Variants in SRBD1 observed in about 807,000 individuals in gnomAD.
The protein encoded by SRBD1 is S1 RNA-binding domain-containing protein 1.
SRBD1 carries 88 observed loss-of-function variants against 115.3 expected under a neutral mutation model. That is an observed-to-expected ratio of 0.76 (90% CI 0.64 to 0.91). SRBD1 has a LOEUF of 0.91. Among genes scored for constraint, SRBD1 ranks in the 40% least tolerant of loss-of-function variants. The probability of loss-of-function intolerance (pLI) is 0.00; values close to 1 mark genes in which losing one functional copy is unlikely to be tolerated. For missense variants in SRBD1, 1,385 were observed against 1,177.4 expected (o/e 1.18, Z -2.58); for synonymous variants, 509 against 407.7 (o/e 1.25, Z -2.99).
Position 45,532,180 on chromosome 2 carries a change from G to A in SRBD1, c.1874+14552C>T, listed in dbSNP as rs923140113. On this transcript the variant is annotated intron_variant, in intron 14 of 20. Transcript: ENST00000263736. ...GCCATCACCACCATCAGCACCATCA[G>A]CACCATCACAACCACCCTCCCCAAG... is the stretch of plus-strand genomic sequence containing the variant. 6.1e-5 allele frequency among the ~76,000 whole-genome samples: 9 copies of A among 146,814 alleles called. No individual in the cohort carries two copies. In the East Asian group the frequency reaches 1.8e-3, roughly 30 times the overall value.
chr2:45,501,418 A>C (rs1263790599), intron 14 of SRBD1, among the ~76,000 whole-genome samples: 1 of 152,136 alleles, frequency 6.6e-6, no homozygotes, highest in African/African-American at 2.4e-5. Flanking sequence ...CAACTGAGGT[A>C]CTGGGTTCAT....
At position 45,396,813 on chromosome 2, in the gene SRBD1, G is replaced by A. The variant is rs1486431527; in HGVS notation, c.2514-3684C>T. On this transcript the variant is annotated intron_variant, in intron 19 of 20. Transcript: ENST00000263736. ...TCATTTCCAGCATGGAGATTTAGGA[G>A]CTGAGGACTTGGTTCATTACATTAA... Among the ~76,000 whole-genome samples, 3 of 152,124 alleles carry A rather than the reference G, an allele frequency of 2.0e-5. No individual in the cohort carries two copies. The East Asian group carries it at 5.8e-4, about 29-fold the overall frequency.
At chr2:45,526,440 G>T (rs551314251) in intron 14 of SRBD1, among the ~76,000 whole-genome samples, 1 of 152,082 alleles carries the variant, frequency 6.6e-6, no homozygotes, top group Admixed American at 6.6e-5. Context: ...GTTGCTTAGG[G>T]CTGGAGTAGG....
intron 16 of SRBD1, among the ~76,000 whole-genome samples, chr2:45,421,120 C>T (rs1270643496): frequency 6.6e-6 from 1 of 152,164 alleles, no homozygotes; most frequent in African/African-American, 2.4e-5. Context: ...CAACCAAGTT[C>T]ATGTGGAAAC....
intron 14 of SRBD1, among the ~76,000 whole-genome samples, chr2:45,505,038 A>T (rs1320387191): frequency 6.6e-6 from 1 of 151,882 alleles, no homozygotes; most frequent in East Asian, 1.9e-4. Flanking sequence ...AAGGAGAATA[A>T]GGACACATAA....
At chr2:45,441,947 T>C (rs1668682669) in intron 16 of SRBD1, among the ~76,000 whole-genome samples, 1 of 152,160 alleles carries the variant, frequency 6.6e-6, no homozygotes, top group Non-Finnish European at 1.5e-5. Context: ...GGTTTTTAGG[T>C]CAATAAAGAG....
chr2:45,402,840 C>T (rs1303163079), intron 19 of SRBD1, among the ~76,000 whole-genome samples: 1 of 152,166 alleles, frequency 6.6e-6, no homozygotes, highest in African/African-American at 2.4e-5. Flanking sequence ...CTACTCCTGG[C>T]ACCTTATTCA....
intron 16 of SRBD1, among the ~76,000 whole-genome samples, chr2:45,424,576 GT>G (rs1335057695): frequency 1.3e-5 from 2 of 152,060 alleles, no homozygotes; most frequent in Non-Finnish European, 2.9e-5. Context: ...TTAAACATAA[GT>G]AAAATAGCAT....
chr2:45,424,413 C>G (rs1258583566), intron 16 of SRBD1, among the ~76,000 whole-genome samples: 1 of 151,872 alleles, frequency 6.6e-6, no homozygotes, highest in Non-Finnish European at 1.5e-5. Context: ...TAATCTTGAC[C>G]CAAAATTTGA....
At chr2:45,568,787 G>A (rs1288953725) in intron 9 of SRBD1, among the ~76,000 whole-genome samples, 1 of 152,164 alleles carries the variant, frequency 6.6e-6, no homozygotes, top group Admixed American at 6.5e-5. Context: ...GACAAAATAA[G>A]ACAGAAAAAC....
At chr2:45,444,184 T>A (rs1388572112) in intron 16 of SRBD1, among the ~76,000 whole-genome samples, 1 of 152,062 alleles carries the variant, frequency 6.6e-6, no homozygotes, top group East Asian at 1.9e-4. Flanking sequence ...GGCGTGAGGA[T>A]CTCTTGAGGT....
intron 14 of SRBD1, among the ~76,000 whole-genome samples, chr2:45,512,482 C>T (rs940032510): frequency 6.6e-6 from 1 of 152,138 alleles, no homozygotes; most frequent in East Asian, 1.9e-4. Context: ...TGAAGAGATA[C>T]TTTTAAATTC....
At chr2:45,530,227 C>T (rs1375473933) in intron 14 of SRBD1, among the ~76,000 whole-genome samples, 1 of 152,014 alleles carries the variant, frequency 6.6e-6, no homozygotes, top group African/African-American at 2.4e-5. Context: ...CCTGATGACT[C>T]ATTTGCAAGC....
In SRBD1 at chr2:45,444,966, G is replaced by C. The variant is rs190980543; in HGVS notation, c.2050-25072C>G. Among the ~76,000 whole-genome samples, 312 of 152,284 alleles carry C rather than the reference G, an allele frequency of 2.0e-3. 2 individuals are homozygous for C. The highest frequency in any genetic ancestry group is 2.4e-3 in the Non-Finnish European group (160 of 68,020). ...TGCCAGATGATGAACATAAAAAGTA[G>C]AGGGCAAAATAACATTGTCAAATTT... On this transcript the variant is annotated intron_variant, in intron 16 of 20. Coordinates refer to ENST00000263736, the MANE Select transcript of SRBD1 (RefSeq NM_018079.5).
intron 16 of SRBD1, among the ~76,000 whole-genome samples, chr2:45,432,087 C>T (rs958883039): frequency 2.0e-5 from 3 of 151,746 alleles, no homozygotes; most frequent in East Asian, 1.9e-4. Flanking sequence ...TGGAGTGCAA[C>T]GGCACGATCT....
chr2:45,439,396 CAT>C (rs3047189), intron 16 of SRBD1, among the ~76,000 whole-genome samples: 32,928 of 146,612 alleles, frequency 0.22, 5,830 homozygotes, highest in African/African-American at 0.49. Flanking sequence ...TTGATGAATG[CAT>C]ATATATATAT....
At chr2:45,580,193 G>A (rs189560504) in intron 6 of SRBD1, among the ~76,000 whole-genome samples, 180 bp from the exon 7 acceptor site, 1 of 152,146 alleles carries the variant, frequency 6.6e-6, no homozygotes, top group Admixed American at 6.5e-5. Flanking sequence ...AAGATGGTAT[G>A]TGCTTTATCT....
rs375493799 is a variant in SRBD1 at position 45,507,831 on chromosome 2, G to A, written c.1875-19500C>T. ...TCTAAAATCTCTTTTGATATCCCTG[G>A]CAATTTTCAAACTTAATTGTTGGGC... On this transcript the variant is annotated intron_variant, in intron 14 of 20. Transcript: ENST00000263736. 2.7e-3 allele frequency among the ~76,000 whole-genome samples: 417 copies of A among 151,998 alleles called. 1 individual carries two copies. Among genetic ancestry groups the A allele is most frequent in the African/African-American group, 9.4e-3 (391 of 41,440 alleles).
intron 12 of SRBD1, among the ~76,000 whole-genome samples, chr2:45,549,640 C>T (rs1672231964): frequency 1.5e-5 from 2 of 135,546 alleles, no homozygotes; most frequent in Non-Finnish European, 1.5e-5. Flanking sequence ...AGCTTGAGCT[C>T]AGGATTTCAA....
Sources: allele counts gnomAD v4.1 joint callset (sites outside exome capture counted in the v4.1 genomes callset), GRCh38; gene constraint gnomAD v4.1.1; transcripts MANE v1.5; gene names NCBI Gene and HGNC (gene_info 2026-07-23, HGNC 2026-07-21).